Variants in GARS1 observed in about 807,000 individuals in gnomAD.
GARS1 encodes the protein glycyl-tRNA synthetase 1.
Under a neutral mutation model 86.4 loss-of-function variants are expected in GARS1, and 46 were observed. That is an observed-to-expected ratio of 0.53 (90% CI 0.42 to 0.68). GARS1 has a LOEUF of 0.68. GARS1 is among the 30% of genes least tolerant of loss of function. GARS1 has a pLI of 0.00. For missense variants in GARS1, 797 were observed against 915.6 expected, an observed-to-expected ratio of 0.87 and a Z score of 1.67; for synonymous variants, 342 against 329.8, an observed-to-expected ratio of 1.04 and a Z score of -0.40.
intron 1 of GARS1, among the ~76,000 whole-genome samples, chr7:30,597,492 C>A (rs183914449): frequency 6.6e-6 from 1 of 152,076 alleles, no homozygotes; most frequent in Non-Finnish European, 1.5e-5. Flanking sequence ...TTACCCAGAA[C>A]GTCATATTAC....
chr7:30,624,366 A>C (rs560569541), intron 12 of GARS1, among the ~76,000 whole-genome samples: 10 of 152,306 alleles, frequency 6.6e-5, no homozygotes, highest in East Asian at 3.9e-4. Flanking sequence ...TATGTGGGTA[A>C]ATAGAAATGG....
chr7:30,630,490 C>T (rs1188606213), intron 14 of GARS1, among the ~76,000 whole-genome samples: 1 of 149,006 alleles, frequency 6.7e-6, no homozygotes, highest in East Asian at 1.9e-4. Context: ...GATTGGTTTG[C>T]CTTCCACAGA....
chr7:30,628,153 TA>T, intron 13 of GARS1, among the ~76,000 whole-genome samples: 1 of 152,250 alleles, frequency 6.6e-6, no homozygotes, highest in East Asian at 1.9e-4. Context: ...AGAATAGAGA[TA>T]TTTTTAGTGC....
chr7:30,603,903 G>A (rs965750492), intron 6 of GARS1, among the ~76,000 whole-genome samples: 1 of 151,966 alleles, frequency 6.6e-6, no homozygotes, highest in Non-Finnish European at 1.5e-5. Context: ...GAGACTTCGG[G>A]GCAGATAACT....
chr7:30,594,985 C>T lies in GARS1; in HGVS notation c.64C>T (p.Pro22Ser). 6.3e-7 allele frequency: 1 copy of T among 1,594,358 alleles called. No homozygotes were observed. Among genetic ancestry groups the T allele is most frequent in the Non-Finnish European group, 8.5e-7 (1 of 1,177,870 alleles). ...CGCCGCTCTGCTGCTGCTGCTGCCGCCCCGGCTCTTAGCCCGACCCTCGCT... is the reference window on the plus strand; with the variant it reads ...CGCCGCTCTGCTGCTGCTGCTGCCGTCCCGGCTCTTAGCCCGACCCTCGCT... The part of the protein sequence containing the change: ...ARAALLLLLP[P>S]RLLARPSLLL... Residue 22 changes from proline (P) to serine (S), a missense_variant, in exon 1 of 17, where the codon CCC (proline) becomes TCC (serine). Pro to Ser is a moderately conservative substitution (Grantham distance 74). Around this residue, in one of 2 missense-constraint regions of GARS1, gnomAD observed 199 missense variants for 176.9 expected, o/e 1.12. Coordinates refer to ENST00000389266, the MANE Select transcript of GARS1 (RefSeq NM_002047.4).
chr7:30,609,821 A>C, intron 7 of GARS1, 91 bp downstream of exon 7: 1 of 1,257,364 alleles, frequency 8.0e-7, no homozygotes, highest in East Asian at 2.5e-5. Context: ...TGAAGGAAAA[A>C]TTTTTAAAAA....
chr7:30,606,641 G>A (rs1390187545), intron 6 of GARS1, among the ~76,000 whole-genome samples: 2 of 152,144 alleles, frequency 1.3e-5, no homozygotes, highest in Non-Finnish European at 2.9e-5. Context: ...TTTTGACACA[G>A]CCCTTGTAGT....
chr7:30,621,945 A>G (rs1039299744), intron 11 of GARS1, among the ~76,000 whole-genome samples: 2 of 152,208 alleles, frequency 1.3e-5, no homozygotes, highest in African/African-American at 4.8e-5. Flanking sequence ...TTCTTTCTTT[A>G]GTAGGCAGTG....
chr7:30,628,062 A>G (rs1351488799), intron 13 of GARS1, among the ~76,000 whole-genome samples: 1 of 152,182 alleles, frequency 6.6e-6, no homozygotes, highest in African/African-American at 2.4e-5. Context: ...TTTCTCTTCA[A>G]AGGCATGTTT....
At chr7:30,612,308 C>CTT in intron 8 of GARS1, 63 bp downstream of exon 8, 1 of 1,491,554 alleles carries the variant, frequency 6.7e-7, no homozygotes, top group Non-Finnish European at 9.3e-7. Flanking sequence ...AAAATGAAAG[C>CTT]TTGCTGTTTT....
chr7:30,614,597 C>CG (rs1782847251), intron 8 of GARS1, among the ~76,000 whole-genome samples: 1 of 152,160 alleles, frequency 6.6e-6, no homozygotes, highest in African/African-American at 2.4e-5. Flanking sequence ...ACCTCTTGGC[C>CG]GGGCGCAGTG....
intron 1 of GARS1, among the ~76,000 whole-genome samples, chr7:30,597,330 T>G (rs1280986206): frequency 6.6e-6 from 1 of 152,212 alleles, no homozygotes; most frequent in Non-Finnish European, 1.5e-5. Flanking sequence ...TACAAAAAAT[T>G]CATTGCTATA....
At chr7:30,601,334 G>A in intron 4 of GARS1, 134 bp downstream of exon 4, 2 of 758,762 alleles carry the variant, frequency 2.6e-6, no homozygotes, top group Non-Finnish European at 4.1e-6. Context: ...GAAAAATATG[G>A]AAAAGCAAAG....
chr7:30,594,890 A>C lies in GARS1; in HGVS notation c.-32A>C. ...GGCGGCGCGCGCCGCTTCCGTCGCC[A>C]CCCTCTCTGGACAGCCCAGGGCCGC... On this transcript the variant is annotated 5_prime_UTR_variant, in exon 1 of 17. Coordinates refer to ENST00000389266, the MANE Select transcript of GARS1 (RefSeq NM_002047.4). 2 of 1,513,204 alleles carry C rather than the reference A, an allele frequency of 1.3e-6. No homozygotes were observed. The highest frequency in any genetic ancestry group is 8.9e-7 in the Non-Finnish European group (1 of 1,127,214). 93.7% of individuals were successfully genotyped at this position (1,513,204 alleles called of 1,614,324 possible).
Position 30,595,876 on chromosome 7 carries a change from G to C in GARS1, c.222+733G>C, listed in dbSNP as rs1407508032. The C allele has an allele frequency of 2.3e-5, 11 of 471,038 alleles. No individual in the cohort carries two copies. In the East Asian group the frequency reaches 7.6e-4, roughly 33 times the overall value. 29.2% of individuals were successfully genotyped at this position (471,038 alleles called of 1,614,324 possible). A position where few individuals can be genotyped will look rare whatever the true frequency, so the allele number is the denominator to read the frequency against. Reference sequence around the variant, plus strand: ...TCGTAAACCTGGGAAACTAAGTGTTGCGGAGTGAAGTCAGCCATCCTTAGT... The same window carrying C: ...TCGTAAACCTGGGAAACTAAGTGTTCCGGAGTGAAGTCAGCCATCCTTAGT... On this transcript the variant is annotated intron_variant, in intron 1 of 16. Coordinates refer to ENST00000389266, the MANE Select transcript of GARS1 (RefSeq NM_002047.4).
Position 30,621,054 on chromosome 7 carries a change from CT to C in GARS1, c.1360-322del, listed in dbSNP as rs749336250. ...GTGTGAATTATATATTTTTTTCTTT[CT>C]TTTTTTTTTTTTTTTTAAGATAGGG... On this transcript the variant is annotated intron_variant, in intron 10 of 16. Transcript: ENST00000389266. 4.2e-3 allele frequency among the ~76,000 whole-genome samples: 540 copies of C among 128,638 alleles called. 1 individual carries two copies. The highest frequency in any genetic ancestry group is 5.8e-3 in the South Asian group (24 of 4,162). The allele number at this position is 128,638 out of a possible 152,430, so 84.4% of individuals were successfully genotyped here.
intron 8 of GARS1, chr7:30,614,375 TAGGCAGGGCCC>T (rs1335881048): frequency 6.6e-6 from 1 of 152,182 alleles, no homozygotes; most frequent in Non-Finnish European, 1.5e-5. Flanking sequence ...TTGGAGATTC[TAGGCAGGGCCC>T]GTAATTTATC....
chr7:30,620,539 A>G (rs1782982767), intron 10 of GARS1, among the ~76,000 whole-genome samples: 1 of 152,208 alleles, frequency 6.6e-6, no homozygotes, highest in Non-Finnish European at 1.5e-5. Flanking sequence ...TAGGATTTCA[A>G]TATACGAATT....
intron 6 of GARS1, among the ~76,000 whole-genome samples, chr7:30,608,552 A>G (rs1791530739): frequency 6.6e-6 from 1 of 152,178 alleles, no homozygotes; most frequent in Admixed American, 6.5e-5. Flanking sequence ...AGAAGGCTTA[A>G]TATTTTAAAT....
Sources: allele counts gnomAD v4.1 joint callset (sites outside exome capture counted in the v4.1 genomes callset), GRCh38; gene constraint gnomAD v4.1.1; regional missense constraint gnomAD v4.1.1; transcripts MANE v1.5; gene names NCBI Gene and HGNC (gene_info 2026-07-23, HGNC 2026-07-21).